KLHL13: variants seen among roughly 807,000 people sequenced by gnomAD.
The protein encoded by KLHL13 is kelch-like protein 13.
KLHL13 carries 10 observed loss-of-function variants against 37.1 expected under a neutral mutation model. That is an observed-to-expected ratio of 0.27 (90% CI 0.17 to 0.46). The LOEUF (loss-of-function observed/expected upper bound fraction) is 0.46, where lower values mean the gene tolerates loss of function less well. Among genes scored for constraint, KLHL13 ranks in the 20% least tolerant of loss-of-function variants. The pLI, the probability that KLHL13 is intolerant of heterozygous loss-of-function variation, is 1.00. For synonymous variants in KLHL13, 163 were observed against 181.2 expected, an observed-to-expected ratio of 0.90 and a Z score of 0.81; for missense variants, 360 against 509.3, an observed-to-expected ratio of 0.71 and a Z score of 2.82.
intron 1 of KLHL13, among the ~76,000 whole-genome samples, chrX:118,011,374 A>C (rs1038932606): frequency 7.3e-5 from 8 of 109,899 alleles, no homozygotes; most frequent in Non-Finnish European, 1.3e-4. Context: ...AAGAAATCTA[A>C]ACAAGAAAAC....
At chrX:117,934,407 A>G (rs938864397) in intron 2 of KLHL13, among the ~76,000 whole-genome samples, 2 of 111,979 alleles carry the variant, frequency 1.8e-5, no homozygotes, top group Non-Finnish European at 3.8e-5. Context: ...GCACTGGCAT[A>G]TGAACACACA....
intron 2 of KLHL13, among the ~76,000 whole-genome samples, chrX:117,926,166 G>GA (rs1045199977): frequency 8.9e-6 from 1 of 111,826 alleles, no homozygotes; most frequent in Non-Finnish European, 1.9e-5. Flanking sequence ...AAAATATATG[G>GA]AAAAAAAGTT....
intron 1 of KLHL13, among the ~76,000 whole-genome samples, chrX:118,006,838 G>A (rs1340130882): frequency 8.9e-6 from 1 of 111,842 alleles, no homozygotes; most frequent in Non-Finnish European, 1.9e-5. Context: ...CTTTACAACA[G>A]AAAGGTCAAT....
chrX:118,021,592 G>A (rs962113294), intron 1 of KLHL13, among the ~76,000 whole-genome samples: 35 of 110,654 alleles, frequency 3.2e-4, no homozygotes, highest in African/African-American at 9.0e-4. Context: ...TGGCTGCATA[G>A]TATTCCATAG....
At chrX:118,061,603 T>G (rs2054742461) in intron 1 of KLHL13, among the ~76,000 whole-genome samples, 2 of 111,975 alleles carry the variant, frequency 1.8e-5, no homozygotes, top group Non-Finnish European at 3.8e-5. Context: ...ATCCACTCTA[T>G]GCACTACATA....
chrX:118,031,157 A>T (rs1256702726), intron 1 of KLHL13, among the ~76,000 whole-genome samples: 1 of 110,330 alleles, frequency 9.1e-6, no homozygotes, highest in Non-Finnish European at 1.9e-5. Flanking sequence ...CAAGTCTTAA[A>T]ATATTAGGAG....
chrX:117,986,337 C>G, intron 1 of KLHL13, among the ~76,000 whole-genome samples: 1 of 111,376 alleles, frequency 9.0e-6, no homozygotes, highest in East Asian at 2.8e-4. Context: ...GCAAATTCTT[C>G]GATATGACTG....
intron 1 of KLHL13, among the ~76,000 whole-genome samples, chrX:118,073,342 A>G (rs2054892636): frequency 9.0e-6 from 1 of 111,060 alleles, no homozygotes; most frequent in African/African-American, 3.3e-5. Flanking sequence ...GAGCTTGTGC[A>G]GGGAAACTCC....
At chrX:118,026,706 C>T (rs1466096583) in intron 1 of KLHL13, among the ~76,000 whole-genome samples, 1 of 111,381 alleles carries the variant, frequency 9.0e-6, no homozygotes, top group Non-Finnish European at 1.9e-5. Flanking sequence ...TTGCTCATGC[C>T]CTAATTAAAG....
rs373460157 is a variant in KLHL13, at chrX:117,962,260, G to A, written c.98+10471C>T. On this transcript the variant is annotated intron_variant, in intron 1 of 6. Coordinates refer to ENST00000262820, the Ensembl canonical transcript of KLHL13. ...AAATGTGTGACATTTTAGGCCATTC[G>A]TTTGCAGTAATTTGATATGGCAGCA... Among the ~76,000 whole-genome samples, 34 of 107,295 alleles carry A rather than the reference G, an allele frequency of 3.2e-4. No homozygotes were observed. The South Asian group carries it at 7.4e-3, about 23-fold the overall frequency. The allele number at this position is 107,295 out of a possible 115,157, so 93.2% of individuals were successfully genotyped here.
At chrX:118,105,257 T>C (rs1209272875) in intron 1 of KLHL13, among the ~76,000 whole-genome samples, 1 of 112,756 alleles carries the variant, frequency 8.9e-6, no homozygotes, top group Non-Finnish European at 1.9e-5. Context: ...TTTTCTAACA[T>C]GCCTTTTTTA....
At chrX:118,096,894 ACT>A (rs1224471016) in intron 1 of KLHL13, among the ~76,000 whole-genome samples, 1 of 111,255 alleles carries the variant, frequency 9.0e-6, no homozygotes, top group Non-Finnish European at 1.9e-5. Context: ...CATGCTAAAA[ACT>A]CTCAATAAAT....
chrX:118,116,559 C>A (rs2055472357), exon 1 of KLHL13: 1 of 112,279 alleles, frequency 8.9e-6, no homozygotes, highest in Admixed American at 9.3e-5. Context: ...GTGCTGCGCT[C>A]CGAGGGCCAA....
chrX:118,115,095 A>C (rs1190692565), intron 1 of KLHL13, among the ~76,000 whole-genome samples: 5 of 112,728 alleles, frequency 4.4e-5, no homozygotes, highest in Non-Finnish European at 9.4e-5. Context: ...ACCGTTAAGT[A>C]TGAGGATATT....
At chrX:117,967,094 A>G (rs2053447181) in intron 1 of KLHL13, among the ~76,000 whole-genome samples, 1 of 111,893 alleles carries the variant, frequency 8.9e-6, no homozygotes, top group African/African-American at 3.2e-5. Flanking sequence ...TCTGCACAGC[A>G]AAAGAAACTA....
At chrX:118,039,174 T>A (rs2054482085) in intron 1 of KLHL13, among the ~76,000 whole-genome samples, 1 of 111,902 alleles carries the variant, frequency 8.9e-6, no homozygotes, top group African/African-American at 3.2e-5. Context: ...TCACTGTGGG[T>A]TTTGGGAGAG....
intron 4 of KLHL13, among the ~76,000 whole-genome samples, chrX:117,912,008 C>T (rs1273400903): frequency 1.8e-5 from 2 of 111,577 alleles, no homozygotes; most frequent in African/African-American, 6.5e-5. Flanking sequence ...GGATTTCTAA[C>T]GTGGTTAATA....
Position 118,053,849 on chromosome X carries a change from GGA to G in KLHL13, c.-56+62657_-56+62658del, listed in dbSNP as rs1368193204. ...GGAGAGAGAGAGAGAGAGAGAGAGA[GGA>G]GAGAGAGAGAGAGAGAGAGAGAGAG... On this transcript the variant is annotated intron_variant, in intron 1 of 6. Transcript: ENST00000371882. Among the ~76,000 whole-genome samples the G allele has an allele frequency of 2.1e-3, 23 of 11,008 alleles. 1 individual carries two copies. The highest frequency in any genetic ancestry group is 3.4e-3 in the East Asian group (1 of 290). 9.6% of individuals were successfully genotyped at this position (11,008 alleles called of 115,157 possible).
intron 2 of KLHL13, among the ~76,000 whole-genome samples, chrX:117,929,968 A>T (rs1932317159): frequency 9.2e-6 from 1 of 108,164 alleles, no homozygotes; most frequent in Non-Finnish European, 1.9e-5. Context: ...TCTCAAAAAA[A>T]AATTAGAAAA....
Sources: allele counts gnomAD v4.1 joint callset (sites outside exome capture counted in the v4.1 genomes callset), GRCh38; gene constraint gnomAD v4.1.1; transcripts MANE v1.5; gene names NCBI Gene and HGNC (gene_info 2026-07-23, HGNC 2026-07-21).